The following RCAN2 variants were observed in gnomAD, a reference collection of about 807,000 sequenced individuals.
RCAN2 encodes the protein regulator of calcineurin 2.
Under a neutral mutation model 23.6 loss-of-function variants are expected in RCAN2, and 9 were observed. The observed-to-expected ratio is 0.38, with a 90% confidence interval of 0.23 to 0.67. The LOEUF (loss-of-function observed/expected upper bound fraction) is 0.67. Ranked by LOEUF, RCAN2 falls within the 30% of genes least tolerant of loss-of-function variation. The probability of loss-of-function intolerance (pLI) is 0.51; values close to 1 mark genes in which losing one functional copy is unlikely to be tolerated. For missense variants in RCAN2, 273 were observed against 302.3 expected (o/e 0.90, Z 0.72); for synonymous variants, 109 against 115.7 (o/e 0.94, Z 0.37).
chr6:46,488,780 C>T (rs1375212499), intron 1 of RCAN2, among the ~76,000 whole-genome samples: 2 of 152,164 alleles, frequency 1.3e-5, no homozygotes, highest in Non-Finnish European at 2.9e-5. Context: ...ACTTGGTGAC[C>T]AATGCTACCG....
chr6:46,325,997 C>G, intron 2 of RCAN2: 1 of 529,652 alleles, frequency 1.9e-6, no homozygotes, highest in Non-Finnish European at 2.4e-6. Context: ...TTTCTGCCTT[C>G]GAGATGAGCA....
At chr6:46,257,387 T>C (rs2150323680) in intron 2 of RCAN2, among the ~76,000 whole-genome samples, 1 of 152,300 alleles carries the variant, frequency 6.6e-6, no homozygotes, top group South Asian at 2.1e-4. Flanking sequence ...TATTAGTCCA[T>C]TCTCACACTG....
intron 2 of RCAN2, among the ~76,000 whole-genome samples, chr6:46,253,865 C>G (rs1187404482): frequency 6.6e-6 from 1 of 152,016 alleles, no homozygotes; most frequent in Non-Finnish European, 1.5e-5. Flanking sequence ...AATTGCCTAC[C>G]GAATTCAGTA....
chr6:46,444,326 A>G (rs2150424541), intron 2 of RCAN2, among the ~76,000 whole-genome samples: 1 of 152,244 alleles, frequency 6.6e-6, no homozygotes, highest in South Asian at 2.1e-4. Context: ...GGTCAAGGCC[A>G]AAGGCTTTAA....
intron 2 of RCAN2, among the ~76,000 whole-genome samples, chr6:46,439,945 A>C (rs989536320): frequency 1.3e-5 from 2 of 152,250 alleles, no homozygotes; most frequent in Admixed American, 1.3e-4. Flanking sequence ...CGTGAACTTA[A>C]GCTGCACAAT....
At chr6:46,383,027 T>C (rs1765650572) in intron 2 of RCAN2, among the ~76,000 whole-genome samples, 1 of 152,136 alleles carries the variant, frequency 6.6e-6, no homozygotes, top group African/African-American at 2.4e-5. Context: ...CCTAAAATCT[T>C]CCCTCAAGGC....
intron 2 of RCAN2, among the ~76,000 whole-genome samples, chr6:46,452,728 C>G (rs1241289066): frequency 6.6e-6 from 1 of 152,048 alleles, no homozygotes; most frequent in African/African-American, 2.4e-5. Context: ...TTATAAAGCA[C>G]CTGGAAAAGG....
At chr6:46,262,459 A>T (rs1352188755) in intron 2 of RCAN2, among the ~76,000 whole-genome samples, 1 of 152,094 alleles carries the variant, frequency 6.6e-6, no homozygotes, top group Non-Finnish European at 1.5e-5. Flanking sequence ...GGTCTTTCTA[A>T]AAGAGAAAAT....
intron 2 of RCAN2, among the ~76,000 whole-genome samples, chr6:46,388,167 G>A (rs1037199669): frequency 2.6e-5 from 4 of 152,022 alleles, no homozygotes; most frequent in Admixed American, 2.6e-4. Context: ...ACGAGTTAAT[G>A]GGTGTAGCAC....
intron 2 of RCAN2, among the ~76,000 whole-genome samples, chr6:46,443,573 T>C (rs920982481): frequency 1.3e-5 from 2 of 152,144 alleles, no homozygotes; most frequent in African/African-American, 2.4e-5. Flanking sequence ...TAAAAATAAA[T>C]CTGCTTAAGA....
chr6:46,270,873 G>A (rs1078977), intron 2 of RCAN2, among the ~76,000 whole-genome samples: 119,226 of 151,994 alleles, frequency 0.78, 47,074 homozygotes, highest in Non-Finnish European at 0.83. Flanking sequence ...GCTGAATCCT[G>A]CTAACAGCCA....
intron 2 of RCAN2, among the ~76,000 whole-genome samples, chr6:46,263,513 A>ATGTGTGTGTGTGTGTGTGTGTGTGTGTG (rs1267211253): frequency 1.8e-5 from 1 of 56,338 alleles, no homozygotes. Flanking sequence ...ATGTGTGTGT[A>ATGTGTGTGTGTGTGTGTGTGTGTGTGTG]TGTGTGTATG....
At chr6:46,334,047 C>T (rs1764066307) in intron 2 of RCAN2, among the ~76,000 whole-genome samples, 1 of 152,236 alleles carries the variant, frequency 6.6e-6, no homozygotes, top group Admixed American at 6.5e-5. Context: ...GCTTGGCCAT[C>T]CCTCTGTCTA....
At chr6:46,328,797 GAT>G (rs1763872695) in intron 2 of RCAN2, among the ~76,000 whole-genome samples, 2 of 152,216 alleles carry the variant, frequency 1.3e-5, no homozygotes, top group East Asian at 3.9e-4. Flanking sequence ...TTTTAGAAGA[GAT>G]GGGGTTTCAC....
intron 2 of RCAN2, among the ~76,000 whole-genome samples, chr6:46,450,009 T>A (rs920532855): frequency 2.0e-5 from 3 of 151,642 alleles, no homozygotes; most frequent in Non-Finnish European, 1.5e-5. Flanking sequence ...AAGGAAACAA[T>A]CAATGGAGAA....
chr6:46,257,591 G>A (rs556725837), intron 2 of RCAN2, among the ~76,000 whole-genome samples: 10 of 152,184 alleles, frequency 6.6e-5, no homozygotes, highest in South Asian at 2.1e-4. Flanking sequence ...ATCAGATCTC[G>A]TGAGAACTCA....
chr6:46,270,888 G>T (rs1767502191), intron 2 of RCAN2, among the ~76,000 whole-genome samples: 1 of 152,190 alleles, frequency 6.6e-6, no homozygotes, highest in Admixed American at 6.5e-5. Flanking sequence ...CAGCCACTGA[G>T]TGAGCTTACA....
intron 2 of RCAN2, among the ~76,000 whole-genome samples, chr6:46,277,052 G>A (rs1034713491): frequency 7.9e-5 from 12 of 152,194 alleles, no homozygotes; most frequent in Non-Finnish European, 1.3e-4. Context: ...TGCCTGCAAG[G>A]GCAAGAATAA....
chr6:46,439,895 A>T (rs1767481783), intron 2 of RCAN2, among the ~76,000 whole-genome samples: 1 of 152,216 alleles, frequency 6.6e-6, no homozygotes, highest in South Asian at 2.1e-4. Flanking sequence ...GGCTAGTTGA[A>T]GAGTGAAACG....
Sources: allele counts gnomAD v4.1 joint callset (sites outside exome capture counted in the v4.1 genomes callset), GRCh38; gene constraint gnomAD v4.1.1; transcripts MANE v1.5; gene names NCBI Gene and HGNC (gene_info 2026-07-23, HGNC 2026-07-21).